ZNF577: variants seen among roughly 807,000 people sequenced by gnomAD.
The protein encoded by ZNF577 is zinc finger protein 577.
In ZNF577, 14 loss-of-function variants were observed where a neutral mutation model predicts 13.9. The ratio of observed to expected loss-of-function variants is 1.00; its 90% confidence interval spans 0.66 to 1.57. The LOEUF is 1.57. Ranked by LOEUF, ZNF577 falls within the 40% of genes most tolerant of loss-of-function variation. ZNF577 has a pLI of 0.00. For synonymous variants in ZNF577, 203 were observed against 202.9 expected (o/e 1.00, Z 0.00); for missense variants, 555 against 579.2 (o/e 0.96, Z 0.43).
Position 51,816,122 on chromosome 19 carries a change from A to C in ZNF577, c.*600-4448T>G, listed in dbSNP as rs569425967. Among the ~76,000 whole-genome samples the C allele has an allele frequency of 2.6e-5, 4 of 152,064 alleles. No homozygotes were observed. In the South Asian group the frequency reaches 8.3e-4, roughly 32 times the overall value. ...TTAGATGAGCTTCTTGAGTTGGTGA[A>C]CACAAAGAGGTGCCGGAAGGCTGAG... On this transcript the variant is annotated intron_variant and NMD_transcript_variant, in intron 9 of 10. Transcript: ENST00000638827.
chr19:51,853,235 C>T (rs571295156), intron 5 of ZNF577, among the ~76,000 whole-genome samples: 6 of 152,286 alleles, frequency 3.9e-5, no homozygotes, highest in African/African-American at 1.2e-4. Context: ...GGTGATGGGC[C>T]CTGACCCCAA....
At chr19:51,861,493 A>C (rs986748347) in intron 5 of ZNF577, 1 of 152,458 alleles carries the variant, frequency 6.6e-6, no homozygotes, top group Non-Finnish European at 1.5e-5. Context: ...GAAGGCTTAA[A>C]ATATTCATTG....
chr19:51,877,136 C>A lies in ZNF577; in HGVS notation c.283+146G>T, dbSNP rs893939254. The A allele has an allele frequency of 4.9e-6, 3 of 611,058 alleles. No homozygotes were observed. In the East Asian group the frequency reaches 8.6e-5, roughly 17 times the overall value. 37.9% of individuals were successfully genotyped at this position (611,058 alleles called of 1,614,324 possible). A position where few individuals can be genotyped will look rare whatever the true frequency, so the allele number is the denominator to read the frequency against. On this transcript the variant is annotated intron_variant, in intron 5 of 5. Transcript: ENST00000638348. The stretch of plus-strand genomic sequence containing the variant: ...GAGAGCCGGCTCTATTAGGGATGGA[C>A]ACAGATGCAGAAAGGCTGATTAGGT...
chr19:51,850,624 A>G (rs1297399911), intron 5 of ZNF577, among the ~76,000 whole-genome samples: 1 of 152,216 alleles, frequency 6.6e-6, no homozygotes, highest in Non-Finnish European at 1.5e-5. Context: ...TGAGTAAATT[A>G]TTAAACCTGA....
At chr19:51,879,437 C>T (rs1458618991) in intron 3 of ZNF577, among the ~76,000 whole-genome samples, 4 of 150,736 alleles carry the variant, frequency 2.7e-5, no homozygotes, top group African/African-American at 9.8e-5. Context: ...GGTGTGGTGG[C>T]ACGCACCTGT....
chr19:51,811,712 G>A (rs769391865), intron 9 of ZNF577: 6 of 152,206 alleles, frequency 3.9e-5, no homozygotes, highest in Non-Finnish European at 8.8e-5. Context: ...TAAAAGACAA[G>A]AGACAAAAGA....
intron 5 of ZNF577, among the ~76,000 whole-genome samples, chr19:51,857,303 AAAAG>A (rs2084434191): frequency 2.0e-5 from 3 of 151,516 alleles, no homozygotes; most frequent in Non-Finnish European, 2.9e-5. Context: ...ATCAAAAAAG[AAAAG>A]AAAGGAAGGA....
intron 9 of ZNF577, among the ~76,000 whole-genome samples, chr19:51,818,852 A>G (rs969321211): frequency 6.6e-6 from 1 of 152,168 alleles, no homozygotes; most frequent in African/African-American, 2.4e-5. Flanking sequence ...GCCATAGAAG[A>G]GTGCTGAGAA....
At chr19:51,830,217 G>GTCTC (rs2084255251) in intron 9 of ZNF577, among the ~76,000 whole-genome samples, 6 of 151,440 alleles carry the variant, frequency 4.0e-5, no homozygotes, top group Admixed American at 1.3e-4. Flanking sequence ...AATGAAAATA[G>GTCTC]TCTCTCTGTC....
At chr19:51,832,904 A>AG (rs1390499471) in intron 9 of ZNF577, among the ~76,000 whole-genome samples, 1 of 152,230 alleles carries the variant, frequency 6.6e-6, no homozygotes, top group East Asian at 1.9e-4. Flanking sequence ...TTTAGCCAAT[A>AG]TCACACTGTC....
intron 5 of ZNF577, among the ~76,000 whole-genome samples, chr19:51,855,367 C>CTGTGTGTGTGTGTATGTGTGTGTGTGTG (rs1555745556): frequency 4.2e-5 from 6 of 143,460 alleles, no homozygotes; most frequent in African/African-American, 1.3e-4. Flanking sequence ...GCTGAGGGTG[C>CTGTGTGTGTGTGTATGTGTGTGTGTGTG]TGTGTGTGTG....
At chr19:51,835,762 G>A (rs1001411356) in intron 9 of ZNF577, among the ~76,000 whole-genome samples, 6 of 152,078 alleles carry the variant, frequency 3.9e-5, no homozygotes, top group Non-Finnish European at 7.4e-5. Flanking sequence ...GCACGATCTC[G>A]GCTCACTGCA....
exon 11 of ZNF577, chr19:51,804,883 G>GT (rs1465196301): frequency 2.0e-5 from 3 of 152,198 alleles, no homozygotes; most frequent in African/African-American, 7.2e-5. Context: ...ACGGCCCTCT[G>GT]TATTTATTAG....
chr19:51,807,141 C>T (rs568920735), intron 10 of ZNF577, among the ~76,000 whole-genome samples: 14 of 152,264 alleles, frequency 9.2e-5, no homozygotes, highest in African/African-American at 3.4e-4. Context: ...CAGGGGGCAG[C>T]TTGCCTCTAG....
intron 1 of ZNF577, among the ~76,000 whole-genome samples, chr19:51,881,505 A>AGCTGAGGCTT (rs1196899142): frequency 2.6e-5 from 4 of 152,216 alleles, no homozygotes; most frequent in African/African-American, 7.2e-5. Flanking sequence ...AACATGAGTA[A>AGCTGAGGCTT]GCTGAGGCTT....
rs1599842949 is a variant in ZNF577, at chr19:51,824,870, T to A, written c.*600-13196A>T. 8.3e-6 allele frequency: 11 copies of A among 1,320,590 alleles called. No individual in the cohort carries two copies. The highest frequency in any genetic ancestry group is 7.2e-5 in the South Asian group (5 of 69,120). The allele number at this position is 1,320,590 out of a possible 1,614,324, so 81.8% of individuals were successfully genotyped here. ...CCCTGCGTTAAGCGGAAAAAAAAAA[T>A]TCTGACAGTGTTTTTCTTCCTCTTT... On this transcript the variant is annotated intron_variant and NMD_transcript_variant, in intron 9 of 10. Transcript: ENST00000638827. The surrounding 1 kb of genome is among the most constrained non-coding windows in gnomAD (Gnocchi z 4.7).
In ZNF577 at chr19:51,824,269, C is replaced by T. The variant is rs1200047047; in HGVS notation, c.*600-12595G>A. On this transcript the variant is annotated intron_variant and NMD_transcript_variant, in intron 9 of 10. Coordinates refer to the ZNF577 transcript ENST00000638827. The surrounding 1 kb of genome is among the most constrained non-coding windows in gnomAD (Gnocchi z 4.7). Reference sequence around the variant, plus strand: ...ACAATAAGTACTACGAATGGGGACACATACTGTATTTTCAACTTTGCATTC... The same window carrying T: ...ACAATAAGTACTACGAATGGGGACATATACTGTATTTTCAACTTTGCATTC... 1.9e-6 allele frequency: 3 copies of T among 1,614,018 alleles called. No individual in the cohort carries two copies. The highest frequency in any genetic ancestry group is 1.1e-5 in the South Asian group (1 of 91,080).
intron 9 of ZNF577, among the ~76,000 whole-genome samples, chr19:51,813,527 A>ATGGGATGT (rs1288530306): frequency 6.6e-6 from 1 of 151,834 alleles, no homozygotes; most frequent in East Asian, 1.9e-4. Context: ...ATAAAGGAGG[A>ATGGGATGT]TGGGATGTTT....
chr19:51,880,439 A>G (rs2084844241), intron 2 of ZNF577, 38 bp from the exon 3 acceptor site: 1 of 1,590,616 alleles, frequency 6.3e-7, no homozygotes, highest in Non-Finnish European at 8.6e-7. Flanking sequence ...AAGCAGAGAA[A>G]ACCCACAGGG....
Sources: allele counts gnomAD v4.1 joint callset (sites outside exome capture counted in the v4.1 genomes callset), GRCh38; gene constraint gnomAD v4.1.1; non-coding constraint Gnocchi (gnomAD v3.1); transcripts MANE v1.5; gene names NCBI Gene and HGNC (gene_info 2026-07-23, HGNC 2026-07-21).